ATF7IP: variants seen among roughly 807,000 people sequenced by gnomAD.
ATF7IP encodes activating transcription factor 7 interacting protein.
Under a neutral mutation model 106.4 loss-of-function variants are expected in ATF7IP, and 23 were observed. The observed-to-expected ratio is 0.22, with a 90% CI of 0.16 to 0.31. The LOEUF is 0.31. ATF7IP is among the 10% of genes least tolerant of loss of function. ATF7IP has a pLI of 1.00. For synonymous variants in ATF7IP, 542 were observed against 539.0 expected (o/e 1.01, Z -0.08); for missense variants, 1,334 against 1,524.3 (o/e 0.88, Z 2.08).
intron 10 of ATF7IP, among the ~76,000 whole-genome samples, chr12:14,470,934 T>G (rs906668371): frequency 6.6e-6 from 1 of 152,128 alleles, no homozygotes; most frequent in African/African-American, 2.4e-5. Context: ...ATATAAGCAT[T>G]TAATGATACA....
chr12:14,383,321 TGAA>T (rs1051770617), intron 1 of ATF7IP, among the ~76,000 whole-genome samples: 6 of 152,176 alleles, frequency 3.9e-5, no homozygotes, highest in Non-Finnish European at 5.9e-5. Flanking sequence ...AAGGGAGGCT[TGAA>T]GAAGATATCA....
rs146277317 is a variant in ATF7IP at position 14,425,485 on chromosome 12, A to T, written c.1558+12A>T. 50 of 1,500,768 alleles carry T rather than the reference A, an allele frequency of 3.3e-5. No individual in the cohort carries two copies. In the African/African-American group the frequency reaches 6.3e-4, roughly 19 times the overall value. The allele number at this position is 1,500,768 out of a possible 1,614,324, so 93.0% of individuals were successfully genotyped here. On this transcript the variant is annotated intron_variant, in intron 2 of 14. Coordinates refer to ENST00000261168, the MANE Select transcript of ATF7IP (RefSeq NM_018179.5). ...AACGTGCTCTCCAGGTTAGCATATA[A>T]CTTAAATGTTAAAGATTTTTTATTG...
intron 3 of ATF7IP, 111 bp downstream of exon 3, chr12:14,434,534 G>T (rs1942307684): frequency 1.4e-6 from 1 of 726,764 alleles, no homozygotes; most frequent in Middle Eastern, 3.7e-4. Context: ...GTAAAATTTT[G>T]CAATTTCACA....
At chr12:14,483,913 C>A (rs1399907802) in intron 13 of ATF7IP, among the ~76,000 whole-genome samples, 1 of 152,088 alleles carries the variant, frequency 6.6e-6, no homozygotes, top group African/African-American at 2.4e-5. Context: ...AGAGGCAGTG[C>A]TGTGTGGAAT....
At chr12:14,380,903 A>G (rs895977499) in intron 1 of ATF7IP, among the ~76,000 whole-genome samples, 3 of 152,224 alleles carry the variant, frequency 2.0e-5, no homozygotes, top group African/African-American at 7.2e-5. Context: ...TACAGGCATG[A>G]GCCACCGTGC....
intron 10 of ATF7IP, 122 bp downstream of exon 10, chr12:14,466,712 A>G (rs1705293072): frequency 2.7e-6 from 2 of 741,468 alleles, no homozygotes; most frequent in Non-Finnish European, 4.4e-6. Flanking sequence ...CTATCCAAAC[A>G]TTGTCTCACA....
chr12:14,410,744 AATGT>A (rs3983702), intron 1 of ATF7IP, among the ~76,000 whole-genome samples: 9 of 151,774 alleles, frequency 5.9e-5, no homozygotes, highest in East Asian at 1.9e-4. Context: ...TTATAAGTTA[AATGT>A]ATGTATGTAT....
At chr12:14,452,682 T>C (rs1017030194) in intron 6 of ATF7IP, among the ~76,000 whole-genome samples, 4 of 152,204 alleles carry the variant, frequency 2.6e-5, no homozygotes, top group African/African-American at 9.6e-5. Context: ...TGTGTATCTG[T>C]TAACATATTT....
At chr12:14,448,402 ATGTC>A (rs940699424) in intron 6 of ATF7IP, among the ~76,000 whole-genome samples, 15 of 152,142 alleles carry the variant, frequency 9.9e-5, no homozygotes, top group Non-Finnish European at 1.9e-4. Context: ...TTGTGCATTT[ATGTC>A]TGTCTGTGTT....
chr12:14,475,727 G>A (rs993546491), intron 10 of ATF7IP, among the ~76,000 whole-genome samples, 163 bp from the exon 11 acceptor site: 14 of 152,074 alleles, frequency 9.2e-5, no homozygotes, highest in Non-Finnish European at 1.6e-4. Context: ...AGTATCCTGG[G>A]ACATTTGTCT....
intron 1 of ATF7IP, among the ~76,000 whole-genome samples, chr12:14,374,949 G>T (rs879416815): frequency 6.6e-6 from 1 of 151,556 alleles, no homozygotes; most frequent in Non-Finnish European, 1.5e-5. Context: ...GTTTCCTGGG[G>T]TTAGGAATCA....
At chr12:14,433,349 A>G (rs1942234792) in intron 2 of ATF7IP, among the ~76,000 whole-genome samples, 1 of 152,322 alleles carries the variant, frequency 6.6e-6, no homozygotes, top group East Asian at 1.9e-4. Context: ...TACTAAAAAT[A>G]CAAAAATTAG....
intron 13 of ATF7IP, among the ~76,000 whole-genome samples, chr12:14,494,333 A>ATATGTGTGTGTGTG (rs1234871100): frequency 3.5e-5 from 3 of 86,006 alleles, no homozygotes; most frequent in African/African-American, 1.4e-4. Context: ...ATATATATAT[A>ATATGTGTGTGTGTG]TGTGTGTGTG....
intron 5 of ATF7IP, among the ~76,000 whole-genome samples, chr12:14,442,500 TGAGAG>T (rs1164766248): frequency 1.3e-5 from 2 of 152,156 alleles, no homozygotes; most frequent in Non-Finnish European, 2.9e-5. Context: ...TGCAAGATCA[TGAGAG>T]GAGTTTGTTG....
intron 6 of ATF7IP, among the ~76,000 whole-genome samples, chr12:14,454,964 A>G (rs1263102493): frequency 6.6e-6 from 1 of 152,108 alleles, no homozygotes; most frequent in African/African-American, 2.4e-5. Context: ...AGATCACTTG[A>G]GTTCAGGAGT....
chr12:14,406,413 A>G lies in ATF7IP; in HGVS notation c.-7-17496A>G, dbSNP rs1418786252. 5.3e-5 allele frequency among the ~76,000 whole-genome samples: 8 copies of G among 151,762 alleles called. No homozygotes were observed. In the East Asian group the frequency reaches 1.6e-3, roughly 30 times the overall value. ...CGCGCCTGGCCTGTAGTGCTTTATT[A>G]ACAAAATCTGATATGTTTGTGATAT... On this transcript the variant is annotated intron_variant, in intron 1 of 14. Transcript: ENST00000261168.
intron 1 of ATF7IP, chr12:14,394,980 A>G (rs1166709590): frequency 6.6e-6 from 1 of 151,982 alleles, no homozygotes; most frequent in Admixed American, 6.6e-5. Context: ...TCATTGACAT[A>G]TTGTCTGACG....
intron 11 of ATF7IP, among the ~76,000 whole-genome samples, chr12:14,476,599 AG>A (rs1376963008): frequency 6.6e-6 from 1 of 152,120 alleles, no homozygotes; most frequent in Non-Finnish European, 1.5e-5. Context: ...GAAACTTGTT[AG>A]CCTTAGAGAA....
intron 6 of ATF7IP, among the ~76,000 whole-genome samples, chr12:14,455,610 GTTC>G (rs1943395785): frequency 6.6e-6 from 1 of 152,060 alleles, no homozygotes; most frequent in African/African-American, 2.4e-5. Flanking sequence ...TTTGAGGCAT[GTTC>G]TGGCTCTGTC....
Sources: gnomAD v4.1 joint callset for allele counts (sites outside exome capture counted in the v4.1 genomes callset) on GRCh38, gnomAD v4.1.1 for gene constraint, MANE v1.5 for transcripts, NCBI Gene and HGNC (gene_info 2026-07-23, HGNC 2026-07-21) for gene names.